Variants in ERMP1 observed in about 807,000 individuals in gnomAD.
ERMP1 encodes Felix-ina.
Under a neutral mutation model 92.0 loss-of-function variants are expected in ERMP1, and 86 were observed. The ratio of observed to expected loss-of-function variants is 0.93; its 90% CI spans 0.79 to 1.12. The LOEUF is 1.12. Ranked by LOEUF, ERMP1 falls within the 50% of genes most tolerant of loss-of-function variation. ERMP1 has a pLI of 0.00. For synonymous variants in ERMP1, 530 were observed against 412.8 expected, an observed-to-expected ratio of 1.28 and a Z score of -3.44; for missense variants, 1,342 against 1,116.3, an observed-to-expected ratio of 1.20 and a Z score of -2.88.
intron 13 of ERMP1, among the ~76,000 whole-genome samples, chr9:5,795,273 A>C (rs1014472354): frequency 1.3e-5 from 2 of 152,168 alleles, no homozygotes; most frequent in Non-Finnish European, 2.9e-5. Flanking sequence ...CTACCAAAAA[A>C]CGTATAGCTA....
In ERMP1 at chr9:5,827,184, TAAAAAGAA is replaced by T. The variant is rs773412909; in HGVS notation, c.641-1973_641-1966del. 3.3e-5 allele frequency among the ~76,000 whole-genome samples: 5 copies of T among 152,048 alleles called. No homozygotes were observed. In the South Asian group the frequency reaches 8.3e-4, roughly 25 times the overall value. On this transcript the variant is annotated intron_variant, in intron 2 of 14. Coordinates refer to ENST00000339450, the MANE Select transcript of ERMP1 (RefSeq NM_024896.3). ...AGTCCTAGATACACAGATGAGAACT[TAAAAAGAA>T]AAAAAGAAAAAAGAAGTGCTTCAAT...
chr9:5,821,482 G>A (rs1829533759), intron 4 of ERMP1, among the ~76,000 whole-genome samples: 1 of 152,168 alleles, frequency 6.6e-6, no homozygotes, highest in African/African-American at 2.4e-5. Context: ...AAAAGAGTAA[G>A]GACTCTGGGC....
chr9:5,828,138 T>C (rs933926453), intron 2 of ERMP1, among the ~76,000 whole-genome samples: 2 of 152,182 alleles, frequency 1.3e-5, no homozygotes, highest in African/African-American at 2.4e-5. Flanking sequence ...GTCTCTATTA[T>C]TTAAAACATA....
At chr9:5,860,988 A>T (rs1048433653) in intron 5 of ERMP1, among the ~76,000 whole-genome samples, 1 of 152,136 alleles carries the variant, frequency 6.6e-6, no homozygotes. Context: ...GCACCTTGAT[A>T]TTGGAGTTCC....
chr9:5,844,717 T>TC (rs942454853), intron 6 of ERMP1, among the ~76,000 whole-genome samples: 5 of 152,178 alleles, frequency 3.3e-5, no homozygotes, highest in African/African-American at 1.2e-4. Flanking sequence ...CCTGCACCCC[T>TC]CCTCATCCCC....
chr9:5,817,265 C>T (rs950989573), intron 4 of ERMP1, among the ~76,000 whole-genome samples: 4 of 151,972 alleles, frequency 2.6e-5, no homozygotes, highest in African/African-American at 9.7e-5. Flanking sequence ...TCTCGGCTCA[C>T]TGTGACCTCT....
chr9:5,789,771 C>A (rs962408438), intron 13 of ERMP1, among the ~76,000 whole-genome samples: 5 of 152,102 alleles, frequency 3.3e-5, no homozygotes, highest in African/African-American at 1.2e-4. Flanking sequence ...GCAGCCTTGA[C>A]TTCCTTGGCT....
chr9:5,817,235 G>A (rs1414026545), intron 4 of ERMP1, among the ~76,000 whole-genome samples: 1 of 150,040 alleles, frequency 6.7e-6, no homozygotes, highest in African/African-American at 2.5e-5. Context: ...TGTCGTCCAG[G>A]CTGGAATGCA....
In ERMP1 at chr9:5,821,285, T is replaced by TA. The variant is rs556281790; in HGVS notation, c.874+2610dup. Among the ~76,000 whole-genome samples, 395 of 152,374 alleles carry TA rather than the reference T, an allele frequency of 2.6e-3. 5 individuals are homozygous for TA. Among genetic ancestry groups the TA allele is most frequent in the Middle Eastern group, 6.8e-3 (2 of 294 alleles). ...TAAATTCATGAAGCAACAGAGAATT[T>TA]AAACTGTTGTTTTACCTTTAACCTA... is the stretch of plus-strand genomic sequence containing the variant. On this transcript the variant is annotated intron_variant, in intron 4 of 14. Coordinates refer to ENST00000339450, the MANE Select transcript of ERMP1 (RefSeq NM_024896.3).
intron 5 of ERMP1, among the ~76,000 whole-genome samples, chr9:5,862,489 T>C (rs556245740): frequency 6.6e-5 from 10 of 152,272 alleles, no homozygotes; most frequent in Middle Eastern, 3.4e-3. Context: ...TGTGCCACCA[T>C]GCCCAGCTAA....
intron 4 of ERMP1, among the ~76,000 whole-genome samples, chr9:5,816,463 T>A (rs1209929625): frequency 6.6e-6 from 1 of 152,218 alleles, no homozygotes; most frequent in Non-Finnish European, 1.5e-5. Context: ...TTGATCAACT[T>A]GGTTGGAAAG....
At chr9:5,827,987 T>C (rs1041839941) in intron 2 of ERMP1, among the ~76,000 whole-genome samples, 2 of 150,912 alleles carry the variant, frequency 1.3e-5, no homozygotes, top group Non-Finnish European at 1.5e-5. Flanking sequence ...CATAAATAAA[T>C]GAATAAGTGA....
At chr9:5,837,204 T>G (rs1354202643), upstream of ERMP1, among the ~76,000 whole-genome samples, 1 of 152,164 alleles carries the variant, frequency 6.6e-6, no homozygotes, top group Non-Finnish European at 1.5e-5. Flanking sequence ...AGGCTGGACT[T>G]GAACTCCTGA....
At chr9:5,837,240 C>G (rs139120902), upstream of ERMP1, among the ~76,000 whole-genome samples, 65 of 152,226 alleles carry the variant, frequency 4.3e-4, no homozygotes, top group African/African-American at 1.4e-3. Context: ...CTGCCTTAGC[C>G]TCCCAAGTAA....
chr9:5,824,223 G>C (rs1327962088), intron 3 of ERMP1, among the ~76,000 whole-genome samples: 1 of 152,160 alleles, frequency 6.6e-6, no homozygotes, highest in African/African-American at 2.4e-5. Context: ...AAGGCAGCCT[G>C]GTGACCATCA....
At chr9:5,827,565 A>G (rs1458385443) in intron 2 of ERMP1, among the ~76,000 whole-genome samples, 1 of 152,226 alleles carries the variant, frequency 6.6e-6, no homozygotes, top group Non-Finnish European at 1.5e-5. Context: ...AATTTTAGTT[A>G]AAAGTAGGTT....
intron 11 of ERMP1, among the ~76,000 whole-genome samples, chr9:5,800,887 A>G (rs536076672): frequency 7.6e-4 from 116 of 152,356 alleles, no homozygotes; most frequent in African/African-American, 2.6e-3. Context: ...TCATTATTCC[A>G]TAATAAATAT....
Position 5,787,497 on chromosome 9 carries a change from C to A in ERMP1, c.2483G>T (p.Gly828Val), listed in dbSNP as rs1382759171. 2.5e-6 allele frequency: 4 copies of A among 1,614,042 alleles called. No individual in the cohort carries two copies. The highest frequency in any genetic ancestry group is 1.7e-5 in the Admixed American group (1 of 60,024). ...ATGGGAGTAAAAGACAAAGTAGTCT[C>A]CTCCTTTACTTGTGACTGGGGTGCC... ...GNGTPVTSKGGDYFVFYSHGL... is the reference protein window; with the variant it reads ...GNGTPVTSKGVDYFVFYSHGL... The change falls in exon 14 of 15, where the codon GGA (glycine) becomes GTA (valine). Residue 828 changes from glycine to valine, a missense_variant. Transcript: ENST00000339450.
chr9:5,809,811 A>G (rs1586793153), intron 8 of ERMP1, among the ~76,000 whole-genome samples, 200 bp downstream of exon 8: 1 of 152,248 alleles, frequency 6.6e-6, no homozygotes, highest in East Asian at 1.9e-4. Context: ...GCCCGGCTTT[A>G]TAACCTCATT....
Sources: allele counts gnomAD v4.1 joint callset (sites outside exome capture counted in the v4.1 genomes callset), GRCh38; gene constraint gnomAD v4.1.1; transcripts MANE v1.5; gene names NCBI Gene and HGNC (gene_info 2026-07-23, HGNC 2026-07-21).